EEF1AKMT2: variants seen among roughly 807,000 people sequenced by gnomAD.
EEF1AKMT2 encodes eukaryotic translation elongation factor 1 alpha lysine methyltransferase 2.
A neutral mutation model predicts 35.8 loss-of-function variants in EEF1AKMT2; 32 were observed. The ratio of observed to expected loss-of-function variants is 0.89; its 90% CI spans 0.67 to 1.20. EEF1AKMT2 has a LOEUF of 1.20. Ranked by LOEUF, EEF1AKMT2 falls within the 50% of genes most tolerant of loss-of-function variation. The pLI, the probability that EEF1AKMT2 is intolerant of heterozygous loss-of-function variation, is 0.00. For missense variants in EEF1AKMT2, 330 were observed against 347.5 expected, an observed-to-expected ratio of 0.95 and a Z score of 0.40; for synonymous variants, 121 against 133.7, an observed-to-expected ratio of 0.91 and a Z score of 0.65.
intron 4 of EEF1AKMT2, among the ~76,000 whole-genome samples, chr10:124,771,488 T>G (rs1484209674): frequency 1.3e-5 from 2 of 152,194 alleles, no homozygotes; most frequent in Non-Finnish European, 2.9e-5. Context: ...ATGCATTTCT[T>G]AAATAACACA....
chr10:124,757,765 C>T (rs1477128812), downstream of EEF1AKMT2: 2 of 151,506 alleles, frequency 1.3e-5, no homozygotes. Flanking sequence ...ATGCGTACCA[C>T]AGATGAAGAA....
intron 4 of EEF1AKMT2, among the ~76,000 whole-genome samples, chr10:124,773,694 G>T (rs1164264144): frequency 1.3e-5 from 2 of 152,094 alleles, no homozygotes; most frequent in Admixed American, 1.3e-4. Flanking sequence ...CACAGTTCAT[G>T]GCACGCCAAA....
chr10:124,757,902 C>G lies in EEF1AKMT2; in HGVS notation c.*2601G>C, dbSNP rs1378509142. 1 of 152,136 alleles carries G rather than the reference C, an allele frequency of 6.6e-6. No homozygotes were observed. The highest frequency in any genetic ancestry group is 1.9e-4 in the East Asian group (1 of 5,198). 9.4% of individuals were successfully genotyped at this position (152,136 alleles called of 1,614,324 possible). A position where few individuals can be genotyped will look rare whatever the true frequency, so the allele number is the denominator to read the frequency against. On this transcript the variant is annotated 3_prime_UTR_variant, in exon 7 of 7. Transcript: ENST00000368836. ...GGTTTGATTCTCACATACATAAATGCCAGTCCCAAAAAGCAACTCTAACTT... is the reference window on the plus strand; with the variant it reads ...GGTTTGATTCTCACATACATAAATGGCAGTCCCAAAAAGCAACTCTAACTT...
intron 6 of EEF1AKMT2, 95 bp from the exon 7 acceptor site, chr10:124,760,598 T>C (rs2134117882): frequency 2.2e-6 from 2 of 899,750 alleles, no homozygotes; most frequent in South Asian, 3.6e-5. Context: ...TTGAACCCTT[T>C]GTAAAACTAT....
rs531277293 is a variant in EEF1AKMT2 at position 124,785,423 on chromosome 10, C to G, written c.291+3620G>C. On this transcript the variant is annotated intron_variant, in intron 3 of 6. Coordinates refer to ENST00000368836, the MANE Select transcript of EEF1AKMT2 (RefSeq NM_212554.4). ...GACTTCATCAAAATTAAGAACTGCT[C>G]TTCAGAAGATACTGTTAAGTGAATG... is the stretch of plus-strand genomic sequence containing the variant. Among the ~76,000 whole-genome samples, 3 of 152,152 alleles carry G rather than the reference C, an allele frequency of 2.0e-5. No homozygotes were observed. The East Asian group carries it at 5.8e-4, about 29-fold the overall frequency.
In EEF1AKMT2 at chr10:124,760,338, G is replaced by T. The variant is rs1362541725; in HGVS notation, c.*165C>A. ...CTTACTAAGCATTTATTTGCACAAGGATTTTCTGTGTCAGGTTAACTTTGC... is the reference window on the plus strand; with the variant it reads ...CTTACTAAGCATTTATTTGCACAAGTATTTTCTGTGTCAGGTTAACTTTGC... On this transcript the variant is annotated 3_prime_UTR_variant, in exon 7 of 7. Transcript: ENST00000368836. The T allele has an allele frequency of 6.9e-6, 7 of 1,019,182 alleles. No homozygotes were observed. Among genetic ancestry groups the T allele is most frequent in the Non-Finnish European group, 8.9e-6 (6 of 671,816 alleles). 63.1% of individuals were successfully genotyped at this position (1,019,182 alleles called of 1,614,324 possible).
intron 3 of EEF1AKMT2, among the ~76,000 whole-genome samples, chr10:124,786,376 G>A (rs1325175435): frequency 6.6e-6 from 1 of 151,866 alleles, no homozygotes; most frequent in Non-Finnish European, 1.5e-5. Context: ...CGTGGTGGTG[G>A]GTGCCTGTAA....
chr10:124,757,373 A>G (rs561923080), downstream of EEF1AKMT2, among the ~76,000 whole-genome samples: 52 of 152,054 alleles, frequency 3.4e-4, no homozygotes, highest in African/African-American at 1.1e-3. Context: ...ACAGATTTTC[A>G]TTGTAGGCTA....
At chr10:124,778,073 C>A (rs1950503457) in intron 3 of EEF1AKMT2, among the ~76,000 whole-genome samples, 1 of 151,770 alleles carries the variant, frequency 6.6e-6, no homozygotes, top group African/African-American at 2.4e-5. Context: ...TGCCTGTAAT[C>A]CCAGCTACTT....
At chr10:124,765,358 T>C (rs1404047870) in intron 5 of EEF1AKMT2, 34 bp downstream of exon 5, 2 of 1,555,450 alleles carry the variant, frequency 1.3e-6, no homozygotes, top group African/African-American at 2.7e-5. Context: ...AAACCTGAGG[T>C]AAGCACACAT....
downstream of EEF1AKMT2, among the ~76,000 whole-genome samples, chr10:124,757,164 TCCCA>T (rs201224060): frequency 0.045 from 4,426 of 98,110 alleles, 111 homozygotes; most frequent in Non-Finnish European, 0.061. Context: ...CAACACTCCC[TCCCA>T]CACACACACA....
At chr10:124,788,211 C>G (rs1208225137) in intron 3 of EEF1AKMT2, among the ~76,000 whole-genome samples, 1 of 152,076 alleles carries the variant, frequency 6.6e-6, no homozygotes, top group Non-Finnish European at 1.5e-5. Context: ...ACTAGGTCAC[C>G]AAACTGTCCC....
In EEF1AKMT2 at chr10:124,791,708, C is replaced by T; in HGVS notation, c.110+16G>A. 1 of 1,570,114 alleles carries T rather than the reference C, an allele frequency of 6.4e-7. No homozygotes were observed. Among genetic ancestry groups the T allele is most frequent in the Non-Finnish European group, 8.6e-7 (1 of 1,162,760 alleles). On this transcript the variant is annotated intron_variant, in intron 1 of 6. Transcript: ENST00000368836. Reference sequence around the variant, plus strand: ...GGCGGCACGGCTCATCCTCCCCTGCCCAGCGTCACACTCACTGCTCGCGGG... The same window carrying T: ...GGCGGCACGGCTCATCCTCCCCTGCTCAGCGTCACACTCACTGCTCGCGGG...
At position 124,786,423 on chromosome 10, in the gene EEF1AKMT2, G is replaced by A. The variant is rs1041648571; in HGVS notation, c.291+2620C>T. Among the ~76,000 whole-genome samples the A allele has an allele frequency of 5.3e-5, 8 of 150,312 alleles. No individual in the cohort carries two copies. In the Middle Eastern group the frequency reaches 0.014, roughly 259 times the overall value. ...CAGGAGGCTGAGGCAGGAAAATGGC[G>A]TGAATCCGGGAGGCGGAGCTTGCAG... On this transcript the variant is annotated intron_variant, in intron 3 of 6. Coordinates refer to ENST00000368836, the MANE Select transcript of EEF1AKMT2 (RefSeq NM_212554.4).
rs752889529 is a variant in EEF1AKMT2 at position 124,789,052 on chromosome 10, C to G, written c.282G>C (p.Leu94=). 44 of 1,609,134 alleles carry G rather than the reference C, an allele frequency of 2.7e-5. No homozygotes were observed. The highest frequency in any genetic ancestry group is 3.6e-5 in the Non-Finnish European group (43 of 1,178,258). ...LDIGTGNGVF[L]VELAKFGFSN... ...TACTAAAAGTACCAACAAGTTCAAC[C>G]AGGAAAACACCATTTCCAGTTCCAA... The change falls in exon 3 of 7, where the codon CTG becomes CTC. Residue 94 remains leucine, a synonymous_variant. Coordinates refer to ENST00000368836, the MANE Select transcript of EEF1AKMT2 (RefSeq NM_212554.4).
chr10:124,779,762 A>AC lies in EEF1AKMT2; in HGVS notation c.292-4981_292-4980insG, dbSNP rs1564907223. ...GACTCCATCTCAAAAAAAAAAAAAA[A>AC]AAAAAAAAGAAACAGAATAGTCAGG... On this transcript the variant is annotated intron_variant, in intron 3 of 6. Coordinates refer to ENST00000368836, the MANE Select transcript of EEF1AKMT2 (RefSeq NM_212554.4). 1.7e-3 allele frequency among the ~76,000 whole-genome samples: 243 copies of AC among 139,200 alleles called. 3 individuals are homozygous for AC. The highest frequency in any genetic ancestry group is 6.3e-3 in the African/African-American group (235 of 37,380). 91.3% of individuals were successfully genotyped at this position (139,200 alleles called of 152,430 possible).
rs766094985 is a variant in EEF1AKMT2, at chr10:124,791,820, G to A, written c.14C>T (p.Ala5Val). 5 of 1,582,214 alleles carry A rather than the reference G, an allele frequency of 3.2e-6. No homozygotes were observed. In the South Asian group the frequency reaches 5.7e-5, roughly 18 times the overall value. Residue 5 changes from alanine (A) to valine (V), a missense_variant, in exon 1 of 7, where the codon GCT (alanine) becomes GTT (valine). Ala to Val is a moderately conservative substitution (Grantham distance 64). Transcript: ENST00000368836. MSSG[A>V]DGGGGAAVAA... ...CACCGCAGCGCCACCGCCGCCGTCA[G>A]CGCCCGAGCTCATTTCGCTCCACGT...
At chr10:124,769,708 A>G (rs1006566519) in intron 4 of EEF1AKMT2, among the ~76,000 whole-genome samples, 3 of 151,818 alleles carry the variant, frequency 2.0e-5, no homozygotes, top group African/African-American at 7.3e-5. Context: ...GCACTTTGGG[A>G]GGCCAAGGTG....
intron 3 of EEF1AKMT2, among the ~76,000 whole-genome samples, chr10:124,776,066 C>T (rs1348634692): frequency 1.3e-5 from 2 of 152,006 alleles, no homozygotes; most frequent in Admixed American, 6.6e-5. Context: ...TACAGGCGCC[C>T]GCCACCACGC....
Sources: gnomAD v4.1 joint callset for allele counts (sites outside exome capture counted in the v4.1 genomes callset) on GRCh38, gnomAD v4.1.1 for gene constraint, MANE v1.5 for transcripts, NCBI Gene and HGNC (gene_info 2026-07-23, HGNC 2026-07-21) for gene names.